CHN1: variants seen among roughly 807,000 people sequenced by gnomAD.
CHN1 encodes N-chimaerin.
Under a neutral mutation model 59.5 loss-of-function variants are expected in CHN1, and 37 were observed. The ratio of observed to expected loss-of-function variants is 0.62; its 90% CI spans 0.48 to 0.82. The LOEUF is 0.82. Among genes scored for constraint, CHN1 ranks in the 40% least tolerant of loss-of-function variants. The probability of loss-of-function intolerance (pLI) is 0.00; values close to 1 mark genes in which losing one functional copy is unlikely to be tolerated. For missense variants in CHN1, 469 were observed against 571.0 expected (o/e 0.82, Z 1.82); for synonymous variants, 206 against 200.4 (o/e 1.03, Z -0.24).
At chr2:174,996,122 G>T (rs1691699582) in intron 1 of CHN1, among the ~76,000 whole-genome samples, 1 of 152,174 alleles carries the variant, frequency 6.6e-6, no homozygotes, top group Admixed American at 6.5e-5. Flanking sequence ...AGGATAAGGG[G>T]AGACTACTGT....
intron 6 of CHN1, among the ~76,000 whole-genome samples, chr2:174,874,862 TTTATTTATTC>T (rs1430199245): frequency 4.3e-5 from 6 of 140,294 alleles, no homozygotes; most frequent in South Asian, 2.2e-4. Flanking sequence ...TTATTTATTT[TTTATTTATTC>T]TTTTTTTTTT....
chr2:174,917,001 G>A (rs1379358665), intron 4 of CHN1, among the ~76,000 whole-genome samples: 1 of 152,190 alleles, frequency 6.6e-6, no homozygotes, highest in East Asian at 1.9e-4. Flanking sequence ...AGACTAGCCT[G>A]GCCAACATGG....
intron 5 of CHN1, among the ~76,000 whole-genome samples, chr2:174,904,377 T>G (rs1370692339): frequency 1.3e-5 from 2 of 152,190 alleles, no homozygotes; most frequent in African/African-American, 4.8e-5. Flanking sequence ...ATGACTGTTT[T>G]TGAATTTTTT....
intron 3 of CHN1, among the ~76,000 whole-genome samples, chr2:174,919,380 A>G (rs917429894): frequency 7.9e-5 from 12 of 151,890 alleles, no homozygotes; most frequent in Middle Eastern, 3.4e-3. Flanking sequence ...CTGAGATGAC[A>G]TTTAAAGTGA....
At chr2:174,914,305 C>T (rs1286706711) in intron 5 of CHN1, among the ~76,000 whole-genome samples, 2 of 152,156 alleles carry the variant, frequency 1.3e-5, no homozygotes, top group Non-Finnish European at 2.9e-5. Flanking sequence ...TTTCTGGGCA[C>T]TGTACTGTAA....
chr2:174,847,869 TAAAA>T, intron 6 of CHN1: 2 of 420,798 alleles, frequency 4.8e-6, no homozygotes, highest in Non-Finnish European at 9.1e-6. Context: ...TTTAACCTAT[TAAAA>T]GCAGAGGAAA....
intron 10 of CHN1, among the ~76,000 whole-genome samples, chr2:174,809,709 A>G (rs1330267358): frequency 6.6e-6 from 1 of 152,222 alleles, no homozygotes; most frequent in Non-Finnish European, 1.5e-5. Context: ...ATATCCACAT[A>G]CTACATTCTA....
chr2:174,841,841 G>A (rs1198430076), intron 7 of CHN1, among the ~76,000 whole-genome samples: 1 of 152,030 alleles, frequency 6.6e-6, no homozygotes. Flanking sequence ...ATTCTAGATT[G>A]TCATTTCCCT....
chr2:174,950,557 A>T (rs1299989976), intron 2 of CHN1, among the ~76,000 whole-genome samples: 17 of 151,944 alleles, frequency 1.1e-4, no homozygotes. Flanking sequence ...ATATTTTAAA[A>T]CAAATGATAG....
chr2:174,913,569 AC>A (rs1456214645), intron 5 of CHN1, among the ~76,000 whole-genome samples: 3 of 152,204 alleles, frequency 2.0e-5, no homozygotes, highest in Non-Finnish European at 2.9e-5. Flanking sequence ...CCTGAAAAAA[AC>A]AGTATAATTA....
intron 3 of CHN1, among the ~76,000 whole-genome samples, chr2:174,918,976 C>T (rs1290435998): frequency 5.3e-5 from 8 of 152,138 alleles, no homozygotes; most frequent in Non-Finnish European, 1.2e-4. Context: ...TTAGCATTTC[C>T]ATATACTCTT....
At chr2:174,882,071 T>C (rs1430734565) in intron 5 of CHN1, among the ~76,000 whole-genome samples, 2 of 152,232 alleles carry the variant, frequency 1.3e-5, no homozygotes, top group Non-Finnish European at 2.9e-5. Context: ...CTTTTCCTTT[T>C]ATTATCTGAC....
chr2:174,809,906 C>A (rs917091021), intron 10 of CHN1, among the ~76,000 whole-genome samples: 1 of 152,212 alleles, frequency 6.6e-6, no homozygotes, highest in Non-Finnish European at 1.5e-5. Context: ...CACCAAAGGA[C>A]AAAATGTAGC....
intron 1 of CHN1, among the ~76,000 whole-genome samples, chr2:174,957,410 C>T (rs1558997621): frequency 1.5e-5 from 2 of 134,070 alleles, no homozygotes; most frequent in Non-Finnish European, 3.0e-5. Context: ...TGATTATTTG[C>T]AAGTGACCAC....
chr2:174,861,453 CCT>C (rs1464233239), intron 6 of CHN1, among the ~76,000 whole-genome samples: 2 of 152,188 alleles, frequency 1.3e-5, no homozygotes, highest in East Asian at 1.9e-4. Flanking sequence ...CATTCGTAAG[CCT>C]CTCTGAATTC....
At chr2:174,894,543 A>C (rs1377033770) in intron 5 of CHN1, among the ~76,000 whole-genome samples, 4 of 152,084 alleles carry the variant, frequency 2.6e-5, no homozygotes, top group Non-Finnish European at 5.9e-5. Flanking sequence ...GGTGAAAAAC[A>C]CTATGAAAAA....
At chr2:174,849,165 T>G (rs990562568) in intron 6 of CHN1, among the ~76,000 whole-genome samples, 1 of 152,168 alleles carries the variant, frequency 6.6e-6, no homozygotes, top group African/African-American at 2.4e-5. Flanking sequence ...TTGATCAACA[T>G]CCTATTTTAT....
At chr2:174,920,965 A>C (rs1182245937) in intron 3 of CHN1, 2 of 432,632 alleles carry the variant, frequency 4.6e-6, no homozygotes, top group African/African-American at 4.0e-5. Flanking sequence ...GATTCTCATA[A>C]GGGGCATGCA....
At chr2:174,870,617 G>C (rs565685480) in intron 6 of CHN1, among the ~76,000 whole-genome samples, 1 of 152,194 alleles carries the variant, frequency 6.6e-6, no homozygotes, top group African/African-American at 2.4e-5. Context: ...GTTAGGGTGT[G>C]AGCAACATGG....
Sources: gnomAD v4.1 joint callset for allele counts (sites outside exome capture counted in the v4.1 genomes callset) on GRCh38, gnomAD v4.1.1 for gene constraint, MANE v1.5 for transcripts, NCBI Gene and HGNC (gene_info 2026-07-23, HGNC 2026-07-21) for gene names.